SLC34A2: variants seen among roughly 807,000 people sequenced by gnomAD.
SLC34A2 encodes sodium-dependent phosphate transport protein 2B.
A neutral mutation model predicts 50.8 loss-of-function variants in SLC34A2; 41 were observed. The ratio of observed to expected loss-of-function variants is 0.81; its 90% CI spans 0.63 to 1.05. The LOEUF is 1.05. Among genes scored for constraint, SLC34A2 ranks in the 50% least tolerant of loss-of-function variants. SLC34A2 has a pLI of 0.00. For synonymous variants in SLC34A2, 401 were observed against 364.2 expected, an observed-to-expected ratio of 1.10 and a Z score of -1.15; for missense variants, 879 against 876.7, an observed-to-expected ratio of 1.00 and a Z score of -0.03.
At position 25,676,558 on chromosome 4, in the gene SLC34A2, G is replaced by A. The variant is rs748709275; in HGVS notation, c.1882G>A (p.Ala628Thr). Residue 628 changes from alanine to threonine, a missense_variant, in exon 13 of 13, where the codon GCG (alanine) becomes ACG (threonine). Coordinates refer to ENST00000382051, the MANE Select transcript of SLC34A2 (RefSeq NM_006424.3). ...CTGCTGCTGCCGCGTGTGCTGCCGCGCGTGCTGCTTGCTGTGTGACTGCCC... is the reference window on the plus strand; with the variant it reads ...CTGCTGCTGCCGCGTGTGCTGCCGCACGTGCTGCTTGCTGTGTGACTGCCC... ...CCCCCRVCCR[A>T]CCLLCDCPKC... 9.3e-6 allele frequency: 15 copies of A among 1,612,308 alleles called. No homozygotes were observed. Among genetic ancestry groups the A allele is most frequent in the Admixed American group, 8.3e-5 (5 of 59,988 alleles).
intron 1 of SLC34A2, 57 bp downstream of exon 1, chr4:25,655,947 ACTTAATTCTT>A (rs1713857056): frequency 6.6e-6 from 1 of 151,960 alleles, no homozygotes; most frequent in South Asian, 2.1e-4. Flanking sequence ...ACTTTGATTC[ACTTAATTCTT>A]GCAAATACCT....
chr4:25,664,194 C>T lies in SLC34A2; in HGVS notation c.251-8C>T. 4.3e-6 allele frequency: 7 copies of T among 1,612,028 alleles called. No individual in the cohort carries two copies. The highest frequency in any genetic ancestry group is 5.9e-6 in the Non-Finnish European group (7 of 1,178,520). On this transcript the variant is annotated splice_region_variant and splice_polypyrimidine_tract_variant and intron_variant, in intron 3 of 12. Coordinates refer to ENST00000382051, the MANE Select transcript of SLC34A2 (RefSeq NM_006424.3). ...TTCTCTCTCTCCCCCCATCCCACCCCCCTGCAGAGAGAGACACCAAAGGGA... is the reference window on the plus strand; with the variant it reads ...TTCTCTCTCTCCCCCCATCCCACCCTCCTGCAGAGAGAGACACCAAAGGGA...
chr4:25,669,554 C>A (rs1714700836), intron 6 of SLC34A2, 93 bp from the exon 7 acceptor site: 8 of 1,077,518 alleles, frequency 7.4e-6, no homozygotes, highest in South Asian at 6.2e-5. Context: ...TGACACCTAG[C>A]AGAGGGTGGC....
intron 3 of SLC34A2, 99 bp downstream of exon 3, chr4:25,662,941 C>T (rs1312907542): frequency 7.0e-7 from 1 of 1,426,380 alleles, no homozygotes; most frequent in Non-Finnish European, 9.6e-7. Context: ...GTTCTGATTC[C>T]CTTGAAGCAA....
At chr4:25,665,179 T>C (rs950402230) in intron 4 of SLC34A2, 1 of 196,170 alleles carries the variant, frequency 5.1e-6, no homozygotes, top group African/African-American at 2.4e-5. Flanking sequence ...TTTTTTTTTT[T>C]TTTTGAGACA....
chr4:25,662,980 A>AT, intron 3 of SLC34A2, 138 bp downstream of exon 3: 5 of 1,023,520 alleles, frequency 4.9e-6, no homozygotes, highest in Non-Finnish European at 6.9e-6. Context: ...TCACCCTCTC[A>AT]TCTTTTTTTT....
chr4:25,664,199 CAGAG>C lies in SLC34A2; in HGVS notation c.254_257del (p.Arg85ThrfsTer16), dbSNP rs1242904279. 2 of 1,609,570 alleles carry C rather than the reference CAGAG, an allele frequency of 1.2e-6. No homozygotes were observed. The highest frequency in any genetic ancestry group is 1.7e-6 in the Non-Finnish European group (2 of 1,176,536). On this transcript the variant is annotated splice_acceptor_variant and coding_sequence_variant, in exon 4 of 13. Transcript: ENST00000382051. LOFTEE classifies it high-confidence loss of function. ...TCTCTCCCCCCATCCCACCCCCCTG[CAGAG>C]AGAGACACCAAAGGGAAGATTCTCT...
At chr4:25,660,200 A>G (rs975521006) in intron 1 of SLC34A2, among the ~76,000 whole-genome samples, 1 of 152,264 alleles carries the variant, frequency 6.6e-6, no homozygotes, top group African/African-American at 2.4e-5. Flanking sequence ...GACAAGACAA[A>G]GTCCACTTTT....
chr4:25,662,547 A>G lies in SLC34A2; in HGVS notation c.47A>G (p.Lys16Arg). The change falls in exon 2 of 13, where the codon AAG becomes AGG. Residue 16 changes from lysine to arginine, a missense_variant. Coordinates refer to ENST00000382051, the MANE Select transcript of SLC34A2 (RefSeq NM_006424.3). ...GGAGATGCCCAGCCCAACCCCGATA[A>G]GTACCTCGAAGGGGCCGCAGGTCAG... ...ELGDAQPNPD[K>R]YLEGAAGQQP... is the part of the protein sequence containing the mutation. 1 of 1,614,094 alleles carries G rather than the reference A, an allele frequency of 6.2e-7. No individual in the cohort carries two copies. The highest frequency in any genetic ancestry group is 8.5e-7 in the Non-Finnish European group (1 of 1,180,016).
chr4:25,662,499 C>T lies in SLC34A2; in HGVS notation c.-2C>T. The T allele has an allele frequency of 3.1e-6, 5 of 1,613,786 alleles. No homozygotes were observed. Among genetic ancestry groups the T allele is most frequent in the Non-Finnish European group, 3.4e-6 (4 of 1,179,778 alleles). On this transcript the variant is annotated splice_region_variant and 5_prime_UTR_variant, in exon 2 of 13. Coordinates refer to ENST00000382051, the MANE Select transcript of SLC34A2 (RefSeq NM_006424.3). ...TTTAAGCTGTTTTCTCATCCACAGA[C>T]CATGGCTCCCTGGCCTGAATTGGGA...
chr4:25,674,207 A>T, intron 10 of SLC34A2, 89 bp from the exon 11 acceptor site: 1 of 874,592 alleles, frequency 1.1e-6, no homozygotes, highest in Non-Finnish European at 1.9e-6. Flanking sequence ...ATGATGTACA[A>T]CCTCACCCCT....
chr4:25,661,463 C>T (rs1371524301), intron 1 of SLC34A2, among the ~76,000 whole-genome samples: 1 of 152,204 alleles, frequency 6.6e-6, no homozygotes, highest in African/African-American at 2.4e-5. Flanking sequence ...TCTCAGTTCA[C>T]TACAACCTCC....
intron 9 of SLC34A2, 106 bp downstream of exon 9, chr4:25,671,827 C>T: frequency 1.4e-6 from 2 of 1,469,550 alleles, no homozygotes; most frequent in South Asian, 2.3e-5. Flanking sequence ...GTAGGAGTCA[C>T]CAAGCACCTG....
rs1471097568 is a variant in SLC34A2 at position 25,674,707 on chromosome 4, G to A, written c.1458+78G>A. ...TCTTGCAAACTGGTCTCTAACAAGA[G>A]CCAGGCTTTTCTCTGTACTATCCAA... is the stretch of plus-strand genomic sequence containing the variant. On this transcript the variant is annotated intron_variant, in intron 12 of 12. Coordinates refer to ENST00000382051, the MANE Select transcript of SLC34A2 (RefSeq NM_006424.3). 4 of 1,587,496 alleles carry A rather than the reference G, an allele frequency of 2.5e-6. No individual in the cohort carries two copies. The East Asian group carries it at 6.7e-5, about 27-fold the overall frequency.
rs1191772903 is a variant in SLC34A2 at position 25,676,815 on chromosome 4, A to G, written c.*66A>G. 2.5e-6 allele frequency: 4 copies of G among 1,606,000 alleles called. No homozygotes were observed. Among genetic ancestry groups the G allele is most frequent in the Non-Finnish European group, 3.4e-6 (4 of 1,175,218 alleles). On this transcript the variant is annotated 3_prime_UTR_variant, in exon 13 of 13. Coordinates refer to ENST00000382051, the MANE Select transcript of SLC34A2 (RefSeq NM_006424.3). ...AGTTTTGCATGCTCTCCTCCCTCCC[A>G]CTTCTGCACCCTTTCACCACCTCGA...
Position 25,676,219 on chromosome 4 carries a change from G to A in SLC34A2, c.1543G>A (p.Ala515Thr). ...GTTCACTCGCCTGCCCATCCGCATG[G>A]CCAAGGGGCTGGGCAACATCTCTGC... ...IPFTRLPIRM[A>T]KGLGNISAKY... The change falls in exon 13 of 13, where the codon GCC (alanine) becomes ACC (threonine). Residue 515 changes from alanine (A) to threonine (T), a missense_variant. Transcript: ENST00000382051. The A allele has an allele frequency of 1.2e-6, 2 of 1,614,194 alleles. No homozygotes were observed. Among genetic ancestry groups the A allele is most frequent in the Non-Finnish European group, 1.7e-6 (2 of 1,180,050 alleles).
At chr4:25,674,860 A>G (rs185997633) in intron 12 of SLC34A2, among the ~76,000 whole-genome samples, 22 of 152,264 alleles carry the variant, frequency 1.4e-4, no homozygotes, top group African/African-American at 5.3e-4. Flanking sequence ...GTTTCAGCAA[A>G]AGTGGGGTGG....
chr4:25,676,098 A>T, intron 12 of SLC34A2, 37 bp from the exon 13 acceptor site: 1 of 1,612,468 alleles, frequency 6.2e-7, no homozygotes, highest in Non-Finnish European at 8.5e-7. Context: ...CGCATTGGGC[A>T]ACAGGCCCCT....
chr4:25,660,767 A>G (rs1304702803), intron 1 of SLC34A2, among the ~76,000 whole-genome samples: 1 of 152,010 alleles, frequency 6.6e-6, no homozygotes, highest in African/African-American at 2.4e-5. Context: ...CTGGTCTCTA[A>G]CTCCTGACCT....
Sources: allele counts gnomAD v4.1 joint callset (sites outside exome capture counted in the v4.1 genomes callset), GRCh38; gene constraint gnomAD v4.1.1; transcripts MANE v1.5; gene names NCBI Gene and HGNC (gene_info 2026-07-23, HGNC 2026-07-21).